Variants in ADGRL3 observed in about 807,000 individuals in gnomAD.
The protein encoded by ADGRL3 is adhesion G protein-coupled receptor L3.
Under a neutral mutation model 153.5 loss-of-function variants are expected in ADGRL3, and 62 were observed. The observed-to-expected ratio is 0.40, with a 90% CI of 0.33 to 0.50. ADGRL3 has a LOEUF of 0.50. Ranked by LOEUF, ADGRL3 falls within the 20% of genes least tolerant of loss-of-function variation. The probability of loss-of-function intolerance (pLI) is 0.47; values close to 1 mark genes in which losing one functional copy is unlikely to be tolerated. For synonymous variants in ADGRL3, 710 were observed against 672.5 expected, an observed-to-expected ratio of 1.06 and a Z score of -0.86; for missense variants, 1,641 against 1,859.4, an observed-to-expected ratio of 0.88 and a Z score of 2.16.
chr4:61,777,580 T>C (rs1038515834), intron 8 of ADGRL3, among the ~76,000 whole-genome samples: 5 of 152,178 alleles, frequency 3.3e-5, no homozygotes, highest in Admixed American at 6.5e-5. Context: ...ACAGGACTGA[T>C]AGTTCACTTA....
chr4:61,303,013 A>G (rs779965937), intron 1 of ADGRL3, among the ~76,000 whole-genome samples: 11 of 152,194 alleles, frequency 7.2e-5, no homozygotes, highest in Non-Finnish European at 7.3e-5. Context: ...TTCACAAAAG[A>G]CGACAGTATA....
At chr4:61,582,550 G>C (rs1018596085) in intron 4 of ADGRL3, among the ~76,000 whole-genome samples, 1 of 151,818 alleles carries the variant, frequency 6.6e-6, no homozygotes, top group African/African-American at 2.4e-5. Context: ...AGTATTCTGT[G>C]GTGTATATGT....
chr4:61,698,998 G>A lies in ADGRL3; in HGVS notation c.583+22063G>A, dbSNP rs1006929517. On this transcript the variant is annotated intron_variant, in intron 6 of 26. Coordinates refer to ENST00000683033, the MANE Select transcript of ADGRL3 (RefSeq NM_001387552.1). The stretch of plus-strand genomic sequence containing the variant: ...TAGGGACTTCCATTTATACTTTCCC[G>A]TTCAGAATGTAATCCTATCAGAAAT... Among the ~76,000 whole-genome samples the A allele has an allele frequency of 3.9e-5, 6 of 152,192 alleles. No individual in the cohort carries two copies. The East Asian group carries it at 9.7e-4, about 25-fold the overall frequency.
chr4:61,871,082 T>C (rs924181349), intron 9 of ADGRL3, among the ~76,000 whole-genome samples: 31 of 151,964 alleles, frequency 2.0e-4, no homozygotes, highest in East Asian at 3.9e-4. Flanking sequence ...ATCGAGACCA[T>C]CCTGGCTAAC....
intron 5 of ADGRL3, among the ~76,000 whole-genome samples, chr4:61,589,087 A>T (rs985874661): frequency 6.6e-6 from 1 of 152,086 alleles, no homozygotes; most frequent in Non-Finnish European, 1.5e-5. Context: ...GTTATAATGG[A>T]TCCTTTGGAG....
At chr4:61,527,110 A>C (rs2098568402) in intron 4 of ADGRL3, among the ~76,000 whole-genome samples, 1 of 152,074 alleles carries the variant, frequency 6.6e-6, no homozygotes, top group Non-Finnish European at 1.5e-5. Context: ...TAAATACATT[A>C]GTACTTTCGT....
chr4:61,609,392 T>C (rs1480213752), intron 5 of ADGRL3, among the ~76,000 whole-genome samples: 1 of 152,148 alleles, frequency 6.6e-6, no homozygotes, highest in Non-Finnish European at 1.5e-5. Context: ...CTAAAGACTA[T>C]TTTAAAACCT....
chr4:61,361,771 A>T (rs1221161970), intron 1 of ADGRL3, among the ~76,000 whole-genome samples: 1 of 152,150 alleles, frequency 6.6e-6, no homozygotes. Context: ...ACTATGAAAG[A>T]TTTTTGTCAA....
intron 6 of ADGRL3, among the ~76,000 whole-genome samples, chr4:61,696,346 A>G (rs2095642275): frequency 6.6e-6 from 1 of 152,154 alleles, no homozygotes; most frequent in Non-Finnish European, 1.5e-5. Context: ...AGGAACTGGT[A>G]AGTTACCTGA....
At chr4:61,506,933 T>TA (rs937753388) in intron 3 of ADGRL3, among the ~76,000 whole-genome samples, 2 of 152,004 alleles carry the variant, frequency 1.3e-5, no homozygotes, top group African/African-American at 4.8e-5. Context: ...GTTAAAAACG[T>TA]AAAAATAAAA....
chr4:61,291,251 C>A lies in ADGRL3; in HGVS notation c.-240+89486C>A, dbSNP rs904675947. On this transcript the variant is annotated intron_variant, in intron 1 of 26. Transcript: ENST00000683033. Reference sequence around the variant, plus strand: ...ACACACCCCTCTGTGTCCATGGATTCCACATTCATGAATTCAACCAACCAA... The same window carrying A: ...ACACACCCCTCTGTGTCCATGGATTACACATTCATGAATTCAACCAACCAA... Among the ~76,000 whole-genome samples, 7 of 147,376 alleles carry A rather than the reference C, an allele frequency of 4.7e-5. No homozygotes were observed. The East Asian group carries it at 1.2e-3, about 25-fold the overall frequency.
intron 9 of ADGRL3, among the ~76,000 whole-genome samples, chr4:61,849,442 TA>T (rs1302701372): frequency 2.0e-5 from 3 of 152,122 alleles, no homozygotes; most frequent in Non-Finnish European, 4.4e-5. Flanking sequence ...TGGATTCCAA[TA>T]TGTGTTTTCT....
intron 1 of ADGRL3, among the ~76,000 whole-genome samples, chr4:61,335,909 G>A (rs2095664807): frequency 6.6e-6 from 1 of 152,122 alleles, no homozygotes; most frequent in Non-Finnish European, 1.5e-5. Flanking sequence ...GAGAAAAGAA[G>A]TTTTCAATTA....
chr4:61,485,061 C>T (rs1377375784), intron 2 of ADGRL3, among the ~76,000 whole-genome samples: 2 of 152,114 alleles, frequency 1.3e-5, no homozygotes, highest in Admixed American at 1.3e-4. Context: ...ACTTTAGAAA[C>T]TCTCCCTTGG....
chr4:61,627,834 T>TA (rs112785480), intron 5 of ADGRL3, among the ~76,000 whole-genome samples: 1 of 152,196 alleles, frequency 6.6e-6, no homozygotes, highest in East Asian at 1.9e-4. Flanking sequence ...CATTAAACTT[T>TA]AAAAAAATAT....
At chr4:61,660,292 T>C (rs2094558193) in intron 5 of ADGRL3, among the ~76,000 whole-genome samples, 1 of 152,196 alleles carries the variant, frequency 6.6e-6, no homozygotes, top group South Asian at 2.1e-4. Context: ...TCTGTCACAG[T>C]CCCTATTGTT....
intron 8 of ADGRL3, among the ~76,000 whole-genome samples, chr4:61,781,358 G>C: frequency 7.1e-6 from 1 of 140,350 alleles, no homozygotes; most frequent in Non-Finnish European, 1.5e-5. Context: ...GAAAAGAAAA[G>C]AAAAAGAAAA....
At chr4:61,659,876 A>G (rs1300135901) in intron 5 of ADGRL3, among the ~76,000 whole-genome samples, 2 of 139,020 alleles carry the variant, frequency 1.4e-5, no homozygotes, top group Admixed American at 7.8e-5. Context: ...AGGCTGGGTC[A>G]TGAAAATCAA....
intron 17 of ADGRL3, among the ~76,000 whole-genome samples, chr4:61,958,817 C>T (rs759670212): frequency 9.9e-5 from 15 of 152,094 alleles, no homozygotes; most frequent in Non-Finnish European, 1.9e-4. Context: ...TAAGCCATGT[C>T]AGGGTTATCT....
Sources: gnomAD v4.1 joint callset for allele counts (sites outside exome capture counted in the v4.1 genomes callset) on GRCh38, gnomAD v4.1.1 for gene constraint, MANE v1.5 for transcripts, NCBI Gene and HGNC (gene_info 2026-07-23, HGNC 2026-07-21) for gene names.